Variants in TMCC1 observed in about 807,000 individuals in gnomAD.
The protein encoded by TMCC1 is transmembrane and coiled-coil domains protein 1.
TMCC1 carries 15 observed loss-of-function variants against 52.4 expected under a neutral mutation model. The ratio of observed to expected loss-of-function variants is 0.29; its 90% confidence interval spans 0.19 to 0.44. The LOEUF (loss-of-function observed/expected upper bound fraction) is 0.44. TMCC1 is among the 20% of genes least tolerant of loss of function. The pLI, the probability that TMCC1 is intolerant of heterozygous loss-of-function variation, is 1.00. For missense variants in TMCC1, 503 were observed against 806.0 expected, an observed-to-expected ratio of 0.62 and a Z score of 4.55; for synonymous variants, 279 against 301.9, an observed-to-expected ratio of 0.92 and a Z score of 0.79.
chr3:129,813,982 C>A (rs2057970303), intron 4 of TMCC1, among the ~76,000 whole-genome samples: 1 of 125,328 alleles, frequency 8.0e-6, no homozygotes, highest in Admixed American at 7.5e-5. Flanking sequence ...GTTCTTTTTC[C>A]TTATTTTTTT....
chr3:129,757,774 A>G (rs893630812), intron 4 of TMCC1, among the ~76,000 whole-genome samples: 1 of 152,134 alleles, frequency 6.6e-6, no homozygotes, highest in Non-Finnish European at 1.5e-5. Context: ...AGGTTGCAGT[A>G]AACCCAGATT....
intron 4 of TMCC1, among the ~76,000 whole-genome samples, chr3:129,681,900 C>G (rs988385404): frequency 7.2e-6 from 1 of 139,656 alleles, no homozygotes; most frequent in Non-Finnish European, 1.5e-5. Context: ...AGTGAGACTT[C>G]GTCTCAAAAA....
intron 4 of TMCC1, among the ~76,000 whole-genome samples, chr3:129,816,274 C>G (rs142038214): frequency 6.6e-6 from 1 of 152,300 alleles, no homozygotes; most frequent in African/African-American, 2.4e-5. Context: ...AAACAGACAT[C>G]TGCATTGCCA....
At chr3:129,881,196 A>G (rs2061443517) in intron 1 of TMCC1, among the ~76,000 whole-genome samples, 2 of 152,190 alleles carry the variant, frequency 1.3e-5, no homozygotes, top group Non-Finnish European at 2.9e-5. Context: ...GTGAACAAAA[A>G]GTGATCACAT....
intron 4 of TMCC1, among the ~76,000 whole-genome samples, chr3:129,819,416 C>A (rs1276342403): frequency 6.6e-6 from 1 of 152,118 alleles, no homozygotes; most frequent in African/African-American, 2.4e-5. Flanking sequence ...AAGTTAAGTT[C>A]TCTACAAAAA....
intron 4 of TMCC1, among the ~76,000 whole-genome samples, chr3:129,690,434 TTAA>T (rs1290274180): frequency 1.3e-5 from 2 of 152,214 alleles, no homozygotes; most frequent in Admixed American, 6.5e-5. Context: ...TTTTGTAAGA[TTAA>T]TGTTTGTTAC....
At chr3:129,838,684 T>G (rs1329677530) in intron 2 of TMCC1, among the ~76,000 whole-genome samples, 9 of 119,360 alleles carry the variant, frequency 7.5e-5, no homozygotes, top group African/African-American at 2.3e-4. Context: ...ACCTGGGAGG[T>G]GGAGGTTGCA....
chr3:129,839,676 A>C (rs1404296230), intron 2 of TMCC1, among the ~76,000 whole-genome samples: 2 of 151,672 alleles, frequency 1.3e-5, no homozygotes, highest in Admixed American at 6.6e-5. Flanking sequence ...CTTGAGCCCA[A>C]GAGTTTGAGA....
rs1008435350 is a variant in TMCC1 at position 129,797,578 on chromosome 3, C to CA, written c.576+30224dup. ...GCAACACGGTGAAACACCATCTCTACAAAAAACACACAAAAAATTAGCTGG... is the reference window on the plus strand; with the variant it reads ...GCAACACGGTGAAACACCATCTCTACAAAAAAACACACAAAAAATTAGCTGG... On this transcript the variant is annotated intron_variant, in intron 4 of 6. Coordinates refer to ENST00000393238, the MANE Select transcript of TMCC1 (RefSeq NM_001017395.5). Among the ~76,000 whole-genome samples, 4 of 151,834 alleles carry CA rather than the reference C, an allele frequency of 2.6e-5. No individual in the cohort carries two copies. The South Asian group carries it at 6.2e-4, about 24-fold the overall frequency.
intron 2 of TMCC1, among the ~76,000 whole-genome samples, chr3:129,834,427 T>C (rs1225114700): frequency 6.6e-6 from 1 of 152,140 alleles, no homozygotes; most frequent in African/African-American, 2.4e-5. Context: ...TTATCTCTAA[T>C]CCTCACAACA....
At chr3:129,709,913 G>A (rs575286032) in intron 4 of TMCC1, among the ~76,000 whole-genome samples, 2 of 152,176 alleles carry the variant, frequency 1.3e-5, no homozygotes, top group African/African-American at 2.4e-5. Flanking sequence ...GTAGCCAGGC[G>A]CGGTGGCTCA....
rs184395720 is a variant in TMCC1, at chr3:129,832,169, T to C, written c.-131+605A>G. Among the ~76,000 whole-genome samples the C allele has an allele frequency of 2.8e-4, 42 of 152,260 alleles. No homozygotes were observed. The East Asian group carries it at 5.4e-3, about 20-fold the overall frequency. On this transcript the variant is annotated intron_variant, in intron 3 of 6. Transcript: ENST00000393238. The stretch of plus-strand genomic sequence containing the variant: ...ACCGCGCCCCACCCAACTAACTAAT[T>C]TTAGATCCCTGGTTTAACACAAACG...
At chr3:129,707,925 A>T (rs1210714917) in intron 4 of TMCC1, among the ~76,000 whole-genome samples, 1 of 151,740 alleles carries the variant, frequency 6.6e-6, no homozygotes, top group Non-Finnish European at 1.5e-5. Flanking sequence ...AGCAAGACTC[A>T]GTCTCAAAAA....
chr3:129,801,529 T>C (rs1032627609), intron 4 of TMCC1, among the ~76,000 whole-genome samples: 1 of 152,144 alleles, frequency 6.6e-6, no homozygotes, highest in African/African-American at 2.4e-5. Flanking sequence ...TGGCACGATC[T>C]CGGGTCACTG....
intron 2 of TMCC1, among the ~76,000 whole-genome samples, chr3:129,863,200 T>C (rs2060472663): frequency 6.6e-6 from 1 of 152,206 alleles, no homozygotes; most frequent in Non-Finnish European, 1.5e-5. Context: ...TACGTAAAAA[T>C]TCATTAAGCT....
In TMCC1 at chr3:129,763,825, C is replaced by CAAAT. The variant is rs555686977; in HGVS notation, c.576+63974_576+63977dup. Among the ~76,000 whole-genome samples, 78 of 145,450 alleles carry CAAAT rather than the reference C, an allele frequency of 5.4e-4. 1 individual carries two copies. The highest frequency in any genetic ancestry group is 2.2e-3 in the Admixed American group (32 of 14,304). ...TGGGAGACAGAGTGAGACTCTGTCT[C>CAAAT]AAATAAATAAATAAATAAATAAACA... On this transcript the variant is annotated intron_variant, in intron 4 of 6. Transcript: ENST00000393238.
At chr3:129,724,227 T>C (rs1380581571) in intron 4 of TMCC1, among the ~76,000 whole-genome samples, 3 of 152,174 alleles carry the variant, frequency 2.0e-5, no homozygotes, top group Admixed American at 2.0e-4. Context: ...AAGAGATCTA[T>C]GGTGTCACAT....
At chr3:129,845,093 G>C (rs1181086767) in intron 2 of TMCC1, among the ~76,000 whole-genome samples, 1 of 152,016 alleles carries the variant, frequency 6.6e-6, no homozygotes, top group African/African-American at 2.4e-5. Context: ...GGAGGCTGAG[G>C]AGGAGGATCA....
intron 4 of TMCC1, among the ~76,000 whole-genome samples, chr3:129,795,034 C>T (rs2056729757): frequency 6.6e-6 from 1 of 152,188 alleles, no homozygotes; most frequent in Non-Finnish European, 1.5e-5. Flanking sequence ...GCATAATTGG[C>T]CAAGCCTTTC....
Sources: allele counts gnomAD v4.1 joint callset (sites outside exome capture counted in the v4.1 genomes callset), GRCh38; gene constraint gnomAD v4.1.1; transcripts MANE v1.5; gene names NCBI Gene and HGNC (gene_info 2026-07-23, HGNC 2026-07-21).